PRDM9: variants seen among roughly 807,000 people sequenced by gnomAD.
The protein encoded by PRDM9 is PR/SET domain 9, also known as histone-lysine N-methyltransferase PRDM9.
In PRDM9, 47 loss-of-function variants were observed where a neutral mutation model predicts 55.6. That is an observed-to-expected ratio of 0.85 (90% confidence interval 0.67 to 1.08). The LOEUF is 1.08. Among genes scored for constraint, PRDM9 ranks in the 50% least tolerant of loss-of-function variants. The pLI is 0.00. For missense variants in PRDM9, 867 were observed against 1,040.3 expected (o/e 0.83, Z 2.29); for synonymous variants, 312 against 375.7 (o/e 0.83, Z 1.96).
chr5:23,509,447 A>G (rs1395285950), intron 2 of PRDM9, 23 bp from the exon 3 acceptor site: 6 of 1,614,010 alleles, frequency 3.7e-6, no homozygotes, highest in Non-Finnish European at 5.1e-6. Flanking sequence ...TAAATCACTG[A>G]TGGAATCTGT....
At position 23,513,803 on chromosome 5, in the gene PRDM9, C is replaced by T. The variant is rs770879162; in HGVS notation, c.301+3776C>T. On this transcript the variant is annotated intron_variant, in intron 4 of 10. Coordinates refer to ENST00000296682, the MANE Select transcript of PRDM9 (RefSeq NM_020227.4). ...CTGAAGTAGAAGAATCACTTGAACCCGGGAGGCAGAGGTTTCAGTGAGCCG... is the reference window on the plus strand; with the variant it reads ...CTGAAGTAGAAGAATCACTTGAACCTGGGAGGCAGAGGTTTCAGTGAGCCG... Among the ~76,000 whole-genome samples, 14 of 151,388 alleles carry T rather than the reference C, an allele frequency of 9.2e-5. 1 individual carries two copies. The highest frequency in any genetic ancestry group is 8.6e-4 in the Admixed American group (13 of 15,178).
At position 23,528,018 on chromosome 5, in the gene PRDM9, C is replaced by T. The variant is rs953123012; in HGVS notation, c.*245C>T. On this transcript the variant is annotated 3_prime_UTR_variant, in exon 11 of 11. Coordinates refer to ENST00000296682, the MANE Select transcript of PRDM9 (RefSeq NM_020227.4). ...GACATCAGCATGTGTGGTTCTTTCCCGCACTGATCCCCTCCATTTTTTGTT... is the reference window on the plus strand; with the variant it reads ...GACATCAGCATGTGTGGTTCTTTCCTGCACTGATCCCCTCCATTTTTTGTT... 7 of 613,828 alleles carry T rather than the reference C, an allele frequency of 1.1e-5. No homozygotes were observed. In the Admixed American group the frequency reaches 1.2e-4, roughly 10 times the overall value. 38.0% of individuals were successfully genotyped at this position (613,828 alleles called of 1,614,324 possible). A position where few individuals can be genotyped will look rare whatever the true frequency, so the allele number is the denominator to read the frequency against.
rs774986813 is a variant in PRDM9, at chr5:23,522,405, TGTAA to T, written c.610+3_610+6del. The T allele has an allele frequency of 6.2e-7, 1 of 1,613,162 alleles. No individual in the cohort carries two copies. The highest frequency in any genetic ancestry group is 1.3e-5 in the African/African-American group (1 of 75,032). On this transcript the variant is annotated splice_donor_variant and splice_donor_region_variant and intron_variant, in intron 7 of 10. Coordinates refer to ENST00000296682, the MANE Select transcript of PRDM9 (RefSeq NM_020227.4). LOFTEE classifies it high-confidence loss of function. ...CGAGCCGCAGGATGATGATTACCTCTGTAAGTGACACTTTTGGCCACTCACACAG... is the reference window on the plus strand; with the variant it reads ...CGAGCCGCAGGATGATGATTACCTCTGTGACACTTTTGGCCACTCACACAG...
intron 5 of PRDM9, among the ~76,000 whole-genome samples, chr5:23,519,005 G>A (rs987778565): frequency 6.6e-6 from 1 of 152,180 alleles, no homozygotes; most frequent in African/African-American, 2.4e-5. Flanking sequence ...GATTTCAACT[G>A]TAGAGATGTT....
chr5:23,513,958 A>G (rs1739151233), intron 4 of PRDM9, among the ~76,000 whole-genome samples: 2 of 152,182 alleles, frequency 1.3e-5, no homozygotes, highest in African/African-American at 4.8e-5. Context: ...GCAGCAGAAA[A>G]CAGACTAAGC....
At chr5:23,520,193 C>T (rs1349935469) in intron 5 of PRDM9, among the ~76,000 whole-genome samples, 4 of 151,128 alleles carry the variant, frequency 2.6e-5, no homozygotes, top group Admixed American at 6.6e-5. Context: ...AGTGAAACCC[C>T]GTCTCTAATA....
intron 1 of PRDM9, 56 bp downstream of exon 1, chr5:23,507,768 C>T (rs1468485651): frequency 1.3e-5 from 2 of 152,230 alleles, no homozygotes; most frequent in East Asian, 3.9e-4. Flanking sequence ...CAGATCCCCT[C>T]ACCCTGGGAA....
intron 4 of PRDM9, among the ~76,000 whole-genome samples, chr5:23,515,358 C>T (rs985346404): frequency 6.6e-6 from 1 of 152,160 alleles, no homozygotes; most frequent in Non-Finnish European, 1.5e-5. Context: ...TATCCTCCCA[C>T]CTGAGCCTCT....
intron 10 of PRDM9, 60 bp from the exon 11 acceptor site, chr5:23,526,173 C>T (rs1285945370): frequency 2.6e-6 from 4 of 1,523,740 alleles, no homozygotes; most frequent in Non-Finnish European, 3.6e-6. Context: ...ATCTTCATAC[C>T]TTCATATGTG....
intron 5 of PRDM9, among the ~76,000 whole-genome samples, chr5:23,519,615 C>T (rs1739286869): frequency 6.6e-6 from 1 of 152,038 alleles, no homozygotes. Flanking sequence ...CCTGCCTTGG[C>T]CTCCCAAAGT....
chr5:23,517,712 G>A (rs1446411135), intron 4 of PRDM9, among the ~76,000 whole-genome samples, 169 bp from the exon 5 acceptor site: 11 of 152,064 alleles, frequency 7.2e-5, no homozygotes, highest in South Asian at 2.1e-4. Context: ...GCTTGAATCC[G>A]GGAGAGGGAG....
Position 23,522,701 on chromosome 5 carries a change from G to A in PRDM9, c.698G>A (p.Gly233Glu). Residue 233 changes from glycine (G) to glutamate (E), a missense_variant, in exon 8 of 11, where the codon GGG becomes GAG. By Grantham distance (98) the Gly-to-Glu change is moderately conservative. Transcript: ENST00000296682. ...TFVKDSAVDK[G>E]HPNRSALSLP... ...GTAAAGGACAGTGCAGTGGACAAGG[G>A]GCACCCCAACCGTTCAGCCCTCAGT... 9 of 1,614,198 alleles carry A rather than the reference G, an allele frequency of 5.6e-6. No homozygotes were observed. The highest frequency in any genetic ancestry group is 7.6e-6 in the Non-Finnish European group (9 of 1,180,044).
At chr5:23,524,612 T>G (rs926493910) in intron 10 of PRDM9, 85 bp downstream of exon 10, 115 of 1,577,460 alleles carry the variant, frequency 7.3e-5, no homozygotes, top group Middle Eastern at 1.7e-4. Context: ...TTAAGTACAG[T>G]AAAATGCCAT....
chr5:23,520,145 A>T (rs1384923535), intron 5 of PRDM9, among the ~76,000 whole-genome samples: 2 of 151,794 alleles, frequency 1.3e-5, no homozygotes, highest in African/African-American at 4.8e-5. Flanking sequence ...TGGGTGGATC[A>T]CTTGAGGTGA....
Position 23,509,908 on chromosome 5 carries a change from G to T in PRDM9, c.194-12G>T, listed in dbSNP as rs765725346. On this transcript the variant is annotated splice_polypyrimidine_tract_variant and intron_variant, in intron 3 of 10. Coordinates refer to ENST00000296682, the MANE Select transcript of PRDM9 (RefSeq NM_020227.4). ...TCTTCCATTTTAGAACAAAATTTTT[G>T]CTTCTTTTCAGGTCTCAGAGCCACT... 5 of 1,613,930 alleles carry T rather than the reference G, an allele frequency of 3.1e-6. No homozygotes were observed. The highest frequency in any genetic ancestry group is 4.2e-6 in the Non-Finnish European group (5 of 1,179,962).
chr5:23,514,375 C>T (rs924827190), intron 4 of PRDM9, among the ~76,000 whole-genome samples: 1 of 152,128 alleles, frequency 6.6e-6, no homozygotes, highest in Admixed American at 6.5e-5. Flanking sequence ...TGTGTATTTA[C>T]GTGAATTATT....
At chr5:23,509,741 G>T in intron 3 of PRDM9, 148 bp downstream of exon 3, 1 of 1,489,722 alleles carries the variant, frequency 6.7e-7, no homozygotes, top group East Asian at 2.3e-5. Flanking sequence ...GTTCTTTTGC[G>T]TCAGTGCAGG....
chr5:23,507,718 C>T lies in PRDM9; in HGVS notation c.-85+6C>T, dbSNP rs1739011873. ...TCGTGCAGCGTGAAACCCTTGTAAA[C>T]CCTCATCCCGAGACCTTCAAATTTT... On this transcript the variant is annotated splice_donor_region_variant and intron_variant, in intron 1 of 10. Transcript: ENST00000296682. The T allele has an allele frequency of 2.0e-5, 3 of 152,222 alleles. No individual in the cohort carries two copies. Among genetic ancestry groups the T allele is most frequent in the Admixed American group, 2.0e-4 (3 of 15,260 alleles). 9.4% of individuals were successfully genotyped at this position (152,222 alleles called of 1,614,324 possible).
At chr5:23,508,534 A>G (rs1341087787) in intron 1 of PRDM9, among the ~76,000 whole-genome samples, 3 of 152,098 alleles carry the variant, frequency 2.0e-5, no homozygotes, top group Non-Finnish European at 4.4e-5. Context: ...AATCCTGTCT[A>G]TGCGAAATGT....
Sources: allele counts gnomAD v4.1 joint callset (sites outside exome capture counted in the v4.1 genomes callset), GRCh38; gene constraint gnomAD v4.1.1; transcripts MANE v1.5; gene names NCBI Gene and HGNC (gene_info 2026-07-23, HGNC 2026-07-21).